The following SYNCRIP variants were observed in gnomAD, a reference collection of about 807,000 sequenced individuals.
SYNCRIP encodes synaptotagmin binding cytoplasmic RNA interacting protein.
Under a neutral mutation model 68.9 loss-of-function variants are expected in SYNCRIP, and 9 were observed. The ratio of observed to expected loss-of-function variants is 0.13; its 90% CI spans 0.08 to 0.23. SYNCRIP has a LOEUF of 0.23. SYNCRIP is among the 10% of genes least tolerant of loss of function. The probability of loss-of-function intolerance (pLI) is 1.00; values close to 1 mark genes in which losing one functional copy is unlikely to be tolerated. For synonymous variants in SYNCRIP, 258 were observed against 254.0 expected, an observed-to-expected ratio of 1.02 and a Z score of -0.15; for missense variants, 414 against 770.6, an observed-to-expected ratio of 0.54 and a Z score of 5.48.
At chr6:85,623,583 A>AAAAAAAAAAAC (rs1562087872) in intron 7 of SYNCRIP, among the ~76,000 whole-genome samples, 1 of 143,892 alleles carries the variant, frequency 6.9e-6, no homozygotes, top group African/African-American at 2.5e-5. Flanking sequence ...AAAAAAAAAA[A>AAAAAAAAAAAC]CACTCTGCTA....
intron 4 of SYNCRIP, among the ~76,000 whole-genome samples, chr6:85,639,133 G>A (rs575069808): frequency 1.1e-4 from 16 of 152,198 alleles, no homozygotes; most frequent in Middle Eastern, 6.8e-3. Context: ...GCTCGAACCC[G>A]CGAGGTGGAG....
intron 6 of SYNCRIP, among the ~76,000 whole-genome samples, chr6:85,629,540 A>AAAAAAAAAAG (rs1242608908): frequency 6.7e-6 from 1 of 148,838 alleles, no homozygotes; most frequent in Admixed American, 6.7e-5. Flanking sequence ...AAAAAAAAAA[A>AAAAAAAAAAG]GGGCCGGGTG....
At chr6:85,638,130 T>G (rs1562111920) in intron 4 of SYNCRIP, among the ~76,000 whole-genome samples, 1 of 151,976 alleles carries the variant, frequency 6.6e-6, no homozygotes, top group Non-Finnish European at 1.5e-5. Flanking sequence ...TCCCAGCACT[T>G]TGGGAGGCCA....
At chr6:85,626,739 A>G (rs932977007) in intron 6 of SYNCRIP, among the ~76,000 whole-genome samples, 6 of 152,204 alleles carry the variant, frequency 3.9e-5, no homozygotes, top group African/African-American at 1.4e-4. Context: ...AACCATCAAC[A>G]TTAACAATGC....
Position 85,639,584 on chromosome 6 carries a change from C to T in SYNCRIP, c.375+637G>A, listed in dbSNP as rs111830674. Among the ~76,000 whole-genome samples the T allele has an allele frequency of 6.2e-3, 939 of 152,294 alleles. 6 individuals are homozygous for T. Among genetic ancestry groups the T allele is most frequent in the African/African-American group, 0.021 (889 of 41,536 alleles). On this transcript the variant is annotated intron_variant, in intron 4 of 10. Coordinates refer to ENST00000369622, the MANE Select transcript of SYNCRIP (RefSeq NM_006372.5). ...TACGCTTGGCTCAAGAGCACTGGCA[C>T]ACTACAAAGCACACCAGGTTAAAAA...
intron 6 of SYNCRIP, among the ~76,000 whole-genome samples, chr6:85,629,960 G>A (rs1054192390): frequency 5.3e-5 from 8 of 150,044 alleles, no homozygotes; most frequent in Non-Finnish European, 8.8e-5. Flanking sequence ...CTCCAGCCTC[G>A]TTGAGAGTGA....
rs559985333 is a variant in SYNCRIP at position 85,615,450 on chromosome 6, T to A, written c.1281-103A>T. ...GTTTAAATCCAGAGTTTACTTCGCA[T>A]AATTCACATAACTTTAATACAGAAT... On this transcript the variant is annotated intron_variant, in intron 10 of 10. Coordinates refer to ENST00000369622, the MANE Select transcript of SYNCRIP (RefSeq NM_006372.5). 4.2e-4 allele frequency: 289 copies of A among 684,912 alleles called. 2 individuals carry two copies. The highest frequency in any genetic ancestry group is 3.3e-4 in the Non-Finnish European group (143 of 432,962). 42.4% of individuals were successfully genotyped at this position (684,912 alleles called of 1,614,324 possible). A position where few individuals can be genotyped will look rare whatever the true frequency, so the allele number is the denominator to read the frequency against.
chr6:85,623,698 T>C (rs1052043728), intron 7 of SYNCRIP, among the ~76,000 whole-genome samples: 3 of 149,026 alleles, frequency 2.0e-5, no homozygotes, highest in African/African-American at 7.5e-5. Flanking sequence ...CACAAAGAAA[T>C]ACGATCTTCC....
upstream of SYNCRIP, among the ~76,000 whole-genome samples, chr6:85,643,536 G>A (rs892428820): frequency 2.1e-5 from 3 of 145,114 alleles, no homozygotes; most frequent in Non-Finnish European, 4.5e-5. Flanking sequence ...CTCCCCTCCA[G>A]GCGGGGCGGG....
In SYNCRIP at chr6:85,619,050, A is replaced by G. The variant is rs937706380; in HGVS notation, c.1159-111T>C. Reference sequence around the variant, plus strand: ...TGTGGGAAGGACAAGAGAAAGCCCCATGCAGGCAGTCAAATAATTTTATTT... The same window carrying G: ...TGTGGGAAGGACAAGAGAAAGCCCCGTGCAGGCAGTCAAATAATTTTATTT... On this transcript the variant is annotated intron_variant, in intron 9 of 10. Transcript: ENST00000369622. The G allele has an allele frequency of 2.1e-5, 26 of 1,219,600 alleles. No individual in the cohort carries two copies. The African/African-American group carries it at 3.4e-4, about 16-fold the overall frequency. 75.5% of individuals were successfully genotyped at this position (1,219,600 alleles called of 1,614,324 possible).
chr6:85,641,214 A>G, intron 2 of SYNCRIP, 78 bp downstream of exon 2: 3 of 1,249,814 alleles, frequency 2.4e-6, no homozygotes, highest in Non-Finnish European at 3.4e-6. Context: ...GAAACCACAA[A>G]AAGTTGCTAT....
chr6:85,624,050 A>G lies in SYNCRIP; in HGVS notation c.729T>C (p.Asn243=), dbSNP rs369878453. ...HIGVCISVAN[N]RLFVGSIPKS... ...TAGGAATAGAGCCCACAAAAAGCCTATTGTTGGCAACTGAGATGCAGACAC... is the reference window on the plus strand; with the variant it reads ...TAGGAATAGAGCCCACAAAAAGCCTGTTGTTGGCAACTGAGATGCAGACAC... The change falls in exon 7 of 11, where the codon AAT becomes AAC. Residue 243 remains asparagine (N), a synonymous_variant. Transcript: ENST00000369622. 7 of 1,613,700 alleles carry G rather than the reference A, an allele frequency of 4.3e-6. No homozygotes were observed. Among genetic ancestry groups the G allele is most frequent in the Non-Finnish European group, 5.9e-6 (7 of 1,179,814 alleles).
chr6:85,642,125 G>A (rs1206973552), intron 1 of SYNCRIP, among the ~76,000 whole-genome samples: 1 of 152,138 alleles, frequency 6.6e-6, no homozygotes, highest in Admixed American at 6.5e-5. Context: ...CCGAAGCCGC[G>A]GTCGGAGCCC....
Position 85,614,146 on chromosome 6 carries a change from A to C in SYNCRIP, c.*610T>G. 1.0e-6 allele frequency: 1 copy of C among 985,890 alleles called. No individual in the cohort carries two copies. Among genetic ancestry groups the C allele is most frequent in the Non-Finnish European group, 1.2e-6 (1 of 829,944 alleles). The allele number at this position is 985,890 out of a possible 1,614,324, so 61.1% of individuals were successfully genotyped here. The stretch of plus-strand genomic sequence containing the variant: ...ACCCTTTAATTGGCCTTGACATGCT[A>C]TACAATTTGAACCAAATTTGCAGGA... On this transcript the variant is annotated 3_prime_UTR_variant, in exon 11 of 11. Transcript: ENST00000369622.
At chr6:85,630,157 A>T (rs971481044) in intron 6 of SYNCRIP, among the ~76,000 whole-genome samples, 2 of 151,824 alleles carry the variant, frequency 1.3e-5, no homozygotes, top group African/African-American at 4.8e-5. Context: ...GTCAGGAGAT[A>T]GAGACCATCC....
At chr6:85,610,056 T>C (rs1015135348), downstream of SYNCRIP, 2 of 151,984 alleles carry the variant, frequency 1.3e-5, no homozygotes, top group Admixed American at 1.3e-4. Flanking sequence ...AATTGCATTA[T>C]TGCTTTATAG....
chr6:85,627,639 C>G (rs1807208750), intron 6 of SYNCRIP, among the ~76,000 whole-genome samples: 1 of 152,032 alleles, frequency 6.6e-6, no homozygotes. Context: ...CTAGTAAACC[C>G]TAACTCAAGA....
intron 6 of SYNCRIP, among the ~76,000 whole-genome samples, chr6:85,636,164 G>T (rs908696308): frequency 1.3e-5 from 2 of 152,110 alleles, no homozygotes; most frequent in African/African-American, 2.4e-5. Flanking sequence ...TTTCTTTCTA[G>T]CCAGGCGTGG....
In SYNCRIP at chr6:85,641,407, A is replaced by C. The variant is rs772201130; in HGVS notation, c.33T>G (p.Thr11=). The change falls in exon 2 of 11, where the codon ACT becomes ACG. Residue 11 remains threonine (T), a synonymous_variant. Transcript: ENST00000369622. The part of the protein sequence containing the change: MATEHVNGNG[T]EEPMDTTSAV... ...CAGAAGTAGTATCCATGGGCTCTTC[A>C]GTACCATTTCCATTAACATGTTCTG... 1.9e-6 allele frequency: 3 copies of C among 1,613,774 alleles called. No homozygotes were observed. The East Asian group carries it at 6.7e-5, about 36-fold the overall frequency.
Sources: gnomAD v4.1 joint callset for allele counts (sites outside exome capture counted in the v4.1 genomes callset) on GRCh38, gnomAD v4.1.1 for gene constraint, MANE v1.5 for transcripts, NCBI Gene and HGNC (gene_info 2026-07-23, HGNC 2026-07-21) for gene names.